The following OSBPL6 variants were observed in gnomAD, a reference collection of about 807,000 sequenced individuals.
The protein encoded by OSBPL6 is oxysterol-binding protein-related protein 6.
OSBPL6 carries 49 observed loss-of-function variants against 125.8 expected under a neutral mutation model. The ratio of observed to expected loss-of-function variants is 0.39; its 90% CI spans 0.31 to 0.49. The LOEUF is 0.49. Among genes scored for constraint, OSBPL6 ranks in the 20% least tolerant of loss-of-function variants. OSBPL6 has a pLI of 0.88. For missense variants in OSBPL6, 986 were observed against 1,135.4 expected (o/e 0.87, Z 1.89); for synonymous variants, 394 against 391.8 (o/e 1.01, Z -0.07).
intron 12 of OSBPL6, among the ~76,000 whole-genome samples, chr2:178,361,078 T>C (rs1354773009): frequency 6.6e-6 from 1 of 152,226 alleles, no homozygotes; most frequent in Non-Finnish European, 1.5e-5. Flanking sequence ...GTTTTTATTG[T>C]TGCTTTTAAA....
At chr2:178,287,704 T>C (rs1432426562) in intron 2 of OSBPL6, among the ~76,000 whole-genome samples, 2 of 151,736 alleles carry the variant, frequency 1.3e-5, no homozygotes, top group African/African-American at 2.4e-5. Context: ...TCCCCCCATC[T>C]ACCCCCCACA....
chr2:178,286,612 A>G (rs1196994178), intron 2 of OSBPL6, among the ~76,000 whole-genome samples: 1 of 152,226 alleles, frequency 6.6e-6, no homozygotes, highest in Non-Finnish European at 1.5e-5. Context: ...TGTGCTCTGC[A>G]TCATTTTTTC....
chr2:178,395,556 G>A lies in OSBPL6; in HGVS notation c.2802G>A (p.Trp934Ter). 2 of 1,602,488 alleles carry A rather than the reference G, an allele frequency of 1.2e-6. No homozygotes were observed. Among genetic ancestry groups the A allele is most frequent in the Non-Finnish European group, 1.7e-6 (2 of 1,169,842 alleles). ...GCAAAGTAGACAGCCCTGTTCTTTG[G>A]TAGACTGGGAATGTAGAGCTAGCCA... is the stretch of plus-strand genomic sequence containing the variant. ...GFSKVDSPVL[W>*] is the part of the protein sequence containing the mutation. The change falls in exon 25 of 25, where the codon TGG (tryptophan) becomes TGA (stop). Residue 934 changes from tryptophan to a stop codon, truncating the protein, a stop_gained. Coordinates refer to ENST00000190611, the MANE Select transcript of OSBPL6 (RefSeq NM_032523.4). LOFTEE classifies it high-confidence loss of function.
intron 3 of OSBPL6, among the ~76,000 whole-genome samples, chr2:178,318,613 T>A (rs1191326801): frequency 6.6e-6 from 1 of 152,236 alleles, no homozygotes; most frequent in African/African-American, 2.4e-5. Flanking sequence ...ATGCAATCTA[T>A]GCCGCCATCA....
In OSBPL6 at chr2:178,239,592, T is replaced by TTTTATTTA. The variant is rs80019586; in HGVS notation, c.-351+44962_-351+44969dup. ...GATATTATTAATTTAATGAACTTTA[T>TTTTATTTA]TTTATTTATTTATTTATTTATTTAT... On this transcript the variant is annotated intron_variant, in intron 1 of 24. Coordinates refer to ENST00000190611, the MANE Select transcript of OSBPL6 (RefSeq NM_032523.4). Among the ~76,000 whole-genome samples, 793 of 138,744 alleles carry TTTTATTTA rather than the reference T, an allele frequency of 5.7e-3. 4 individuals are homozygous for TTTTATTTA. The highest frequency in any genetic ancestry group is 0.01 in the East Asian group (49 of 4,792). The allele number at this position is 138,744 out of a possible 152,430, so 91.0% of individuals were successfully genotyped here.
intron 1 of OSBPL6, among the ~76,000 whole-genome samples, chr2:178,198,829 A>G (rs2089069060): frequency 6.6e-6 from 1 of 152,176 alleles, no homozygotes. Context: ...ATTGCCAGCA[A>G]TGTTAGGGAG....
At chr2:178,360,382 G>A (rs556953284) in intron 12 of OSBPL6, among the ~76,000 whole-genome samples, 113 of 152,064 alleles carry the variant, frequency 7.4e-4, no homozygotes, top group Non-Finnish European at 1.4e-3. Flanking sequence ...GTGGGGGGGC[G>A]GGAAATGGAT....
intron 1 of OSBPL6, among the ~76,000 whole-genome samples, chr2:178,280,479 C>T (rs570505409): frequency 1.9e-4 from 29 of 152,240 alleles, no homozygotes; most frequent in African/African-American, 5.1e-4. Flanking sequence ...GAGGTTATAG[C>T]GGGTACTACA....
intron 1 of OSBPL6, among the ~76,000 whole-genome samples, chr2:178,243,573 T>A (rs967116886): frequency 6.6e-6 from 1 of 152,136 alleles, no homozygotes; most frequent in Non-Finnish European, 1.5e-5. Flanking sequence ...CCAAAATATA[T>A]TCCAAACTCA....
chr2:178,251,439 A>G (rs1157112875), intron 1 of OSBPL6, among the ~76,000 whole-genome samples: 2 of 151,448 alleles, frequency 1.3e-5, no homozygotes, highest in Non-Finnish European at 2.9e-5. Context: ...AAATTTCATT[A>G]ACTGTGAGTG....
intron 1 of OSBPL6, among the ~76,000 whole-genome samples, chr2:178,279,355 T>G (rs1683897175): frequency 6.6e-6 from 1 of 152,184 alleles, no homozygotes; most frequent in African/African-American, 2.4e-5. Context: ...AAAATTCTGT[T>G]GCAAAGATAA....
chr2:178,275,460 C>A (rs1388196853), intron 1 of OSBPL6, among the ~76,000 whole-genome samples: 1 of 152,100 alleles, frequency 6.6e-6, no homozygotes, highest in Admixed American at 6.6e-5. Context: ...TGCAGTGAGC[C>A]AAGATTGCAC....
chr2:178,324,323 C>A (rs1371708869), intron 4 of OSBPL6, 54 bp downstream of exon 4: 5 of 1,302,916 alleles, frequency 3.8e-6, no homozygotes, highest in Non-Finnish European at 5.4e-6. Context: ...GCTCTGGGGC[C>A]AATTGAACTG....
At chr2:178,340,230 C>A (rs928669487) in intron 11 of OSBPL6, among the ~76,000 whole-genome samples, 5 of 152,016 alleles carry the variant, frequency 3.3e-5, no homozygotes, top group African/African-American at 1.2e-4. Context: ...AGTCTAATCA[C>A]TGTGATTTTC....
intron 1 of OSBPL6, among the ~76,000 whole-genome samples, chr2:178,258,531 A>C (rs1467717600): frequency 6.6e-6 from 1 of 152,178 alleles, no homozygotes; most frequent in Non-Finnish European, 1.5e-5. Context: ...TATATCATCT[A>C]TACATCCACC....
At chr2:178,356,710 A>C (rs535832199) in intron 12 of OSBPL6, among the ~76,000 whole-genome samples, 1 of 152,328 alleles carries the variant, frequency 6.6e-6, no homozygotes, top group South Asian at 2.1e-4. Context: ...GCTACCAATG[A>C]CTTTCTTCAC....
rs1253225924 is a variant in OSBPL6 at position 178,402,562 on chromosome 2, C to G, written c.*7003C>G. 6.6e-6 allele frequency: 1 copy of G among 152,174 alleles called. No individual in the cohort carries two copies. The highest frequency in any genetic ancestry group is 1.5e-5 in the Non-Finnish European group (1 of 68,052). 9.4% of individuals were successfully genotyped at this position (152,174 alleles called of 1,614,324 possible). On this transcript the variant is annotated 3_prime_UTR_variant, in exon 25 of 25. Coordinates refer to ENST00000190611, the MANE Select transcript of OSBPL6 (RefSeq NM_032523.4). Reference sequence around the variant, plus strand: ...GTCAGCTTCTTCCCTGAAAATAATACATATTTTTAATTTCTGTTTGAAAAA... The same window carrying G: ...GTCAGCTTCTTCCCTGAAAATAATAGATATTTTTAATTTCTGTTTGAAAAA...
chr2:178,228,704 A>G (rs1327990439), intron 1 of OSBPL6, among the ~76,000 whole-genome samples: 1 of 152,244 alleles, frequency 6.6e-6, no homozygotes, highest in African/African-American at 2.4e-5. Context: ...TTAGTGAAAT[A>G]GTCTACCTTC....
chr2:178,349,773 C>G (rs1326030311), intron 12 of OSBPL6, among the ~76,000 whole-genome samples: 1 of 152,086 alleles, frequency 6.6e-6, no homozygotes, highest in Non-Finnish European at 1.5e-5. Context: ...TTGGACTTTA[C>G]AATTTGTGGG....
Sources: gnomAD v4.1 joint callset for allele counts (sites outside exome capture counted in the v4.1 genomes callset) on GRCh38, gnomAD v4.1.1 for gene constraint, MANE v1.5 for transcripts, NCBI Gene and HGNC (gene_info 2026-07-23, HGNC 2026-07-21) for gene names.